USP28: variants seen among roughly 807,000 people sequenced by gnomAD.
The protein encoded by USP28 is ubiquitin specific peptidase 28, also known as ubiquitin carboxyl-terminal hydrolase 28.
USP28 carries 113 observed loss-of-function variants against 145.0 expected under a neutral mutation model. The observed-to-expected ratio is 0.78, with a 90% CI of 0.67 to 0.91. The LOEUF is 0.91. USP28 is among the 40% of genes least tolerant of loss of function. The probability of loss-of-function intolerance (pLI) is 0.00; values close to 1 mark genes in which losing one functional copy is unlikely to be tolerated. For missense variants in USP28, 1,201 were observed against 1,289.6 expected (o/e 0.93, Z 1.05); for synonymous variants, 447 against 450.9 (o/e 0.99, Z 0.11).
At chr11:113,833,378 C>A in intron 7 of USP28, 42 bp downstream of exon 7, 1 of 1,601,422 alleles carries the variant, frequency 6.2e-7, no homozygotes, top group Non-Finnish European at 8.5e-7. Context: ...TTAACACTGA[C>A]AAGGCATGAC....
chr11:113,864,519 T>C (rs1174063573), intron 1 of USP28, among the ~76,000 whole-genome samples: 1 of 151,972 alleles, frequency 6.6e-6, no homozygotes, highest in East Asian at 1.9e-4. Flanking sequence ...GAAAGTTGAG[T>C]GTGTAAGTTC....
At chr11:113,837,807 G>A (rs188382038) in intron 5 of USP28, among the ~76,000 whole-genome samples, 5 of 152,014 alleles carry the variant, frequency 3.3e-5, no homozygotes, top group African/African-American at 7.3e-5. Context: ...GAACATTTTC[G>A]TATCACCACA....
chr11:113,837,796 T>G (rs1944737303), intron 5 of USP28, among the ~76,000 whole-genome samples: 1 of 152,172 alleles, frequency 6.6e-6, no homozygotes, highest in Non-Finnish European at 1.5e-5. Flanking sequence ...TGATAGAAAC[T>G]GAACATTTTC....
intron 16 of USP28, among the ~76,000 whole-genome samples, chr11:113,810,190 A>G (rs2135372564): frequency 6.6e-6 from 1 of 152,366 alleles, no homozygotes; most frequent in Non-Finnish European, 1.5e-5. Context: ...GGCGGATAAG[A>G]ATGTCCATTT....
intron 5 of USP28, among the ~76,000 whole-genome samples, chr11:113,836,195 T>G (rs887485325): frequency 2.5e-4 from 38 of 152,204 alleles, no homozygotes; most frequent in African/African-American, 8.9e-4. Flanking sequence ...CTGCGTCACT[T>G]CATTATTACA....
intron 5 of USP28, among the ~76,000 whole-genome samples, chr11:113,835,944 G>A (rs1227957146): frequency 6.6e-6 from 1 of 152,176 alleles, no homozygotes; most frequent in Non-Finnish European, 1.5e-5. Context: ...GCCGGGCATG[G>A]TGGCATGCCT....
chr11:113,803,902 T>C, intron 21 of USP28, 25 bp from the exon 23 acceptor site: 1 of 1,590,724 alleles, frequency 6.3e-7, no homozygotes, highest in Non-Finnish European at 8.6e-7. Context: ...CGATTATTAA[T>C]AATCATGATC....
intron 16 of USP28, among the ~76,000 whole-genome samples, chr11:113,811,320 T>C (rs888041392): frequency 2.0e-5 from 3 of 152,206 alleles, no homozygotes; most frequent in Admixed American, 2.0e-4. Context: ...AAAGTACCAA[T>C]ATAAATGATA....
At chr11:113,814,289 G>T (rs921957445) in intron 14 of USP28, among the ~76,000 whole-genome samples, 5 of 152,116 alleles carry the variant, frequency 3.3e-5, no homozygotes, top group Admixed American at 2.0e-4. Context: ...AGAACAAAGG[G>T]TAAGGCTAAA....
At chr11:113,808,969 G>A in intron 17 of USP28, 94 bp downstream of exon 17, 1 of 1,202,382 alleles carries the variant, frequency 8.3e-7, no homozygotes, top group Non-Finnish European at 1.2e-6. Flanking sequence ...TGAAGACTGT[G>A]GCATCACCTA....
chr11:113,831,041 C>A, intron 8 of USP28, 98 bp from the exon 9 acceptor site: 1 of 1,215,230 alleles, frequency 8.2e-7, no homozygotes, highest in Non-Finnish European at 1.2e-6. Context: ...AGTGCATTTT[C>A]ATCAACCCCC....
intron 1 of USP28, among the ~76,000 whole-genome samples, chr11:113,871,039 A>T (rs944681248): frequency 2.0e-5 from 3 of 152,364 alleles, no homozygotes; most frequent in Non-Finnish European, 2.9e-5. Context: ...GAATCTTGTC[A>T]AAAGGCAGAA....
intron 1 of USP28, among the ~76,000 whole-genome samples, chr11:113,868,696 G>A (rs1948528451): frequency 2.0e-5 from 3 of 152,100 alleles, no homozygotes; most frequent in South Asian, 4.1e-4. Flanking sequence ...TCAGGCGGGA[G>A]GATCACTGGA....
At chr11:113,833,687 CTA>C in intron 6 of USP28, 130 bp from the exon 7 acceptor site, 1 of 839,110 alleles carries the variant, frequency 1.2e-6, no homozygotes, top group Non-Finnish European at 1.8e-6. Context: ...AGTCACAGGG[CTA>C]TGTGTGTTAC....
At position 113,799,179 on chromosome 11, in the gene USP28, C is replaced by T. The variant is rs773388527; in HGVS notation, c.*61G>A. ...TTTCCCAAGGTGAGCACTATGACAA[C>T]GAACTTCTGTGCAAGAGGCAGGCAG... is the stretch of plus-strand genomic sequence containing the variant. On this transcript the variant is annotated 3_prime_UTR_variant, in exon 25 of 25. Coordinates refer to ENST00000003302, the Ensembl canonical transcript of USP28. 46 of 1,556,936 alleles carry T rather than the reference C, an allele frequency of 3.0e-5. No individual in the cohort carries two copies. In the Middle Eastern group the frequency reaches 7.8e-4, roughly 26 times the overall value.
intron 3 of USP28, 26 bp from the exon 4 acceptor site, chr11:113,841,794 A>G (rs751240334): frequency 1.4e-5 from 21 of 1,527,078 alleles, no homozygotes; most frequent in Admixed American, 1.7e-5. Flanking sequence ...AAATTTAATT[A>G]GTCTATATAT....
chr11:113,845,391 G>A (rs1021871418), intron 3 of USP28, among the ~76,000 whole-genome samples: 14 of 151,312 alleles, frequency 9.3e-5, no homozygotes, highest in Non-Finnish European at 8.8e-5. Flanking sequence ...AGCTGAGATC[G>A]CGCCACTGCA....
intron 11 of USP28, among the ~76,000 whole-genome samples, chr11:113,826,996 T>C (rs1161805621): frequency 1.3e-5 from 2 of 151,326 alleles, no homozygotes; most frequent in Non-Finnish European, 2.9e-5. Flanking sequence ...AGGTAGTTCC[T>C]ACCCCCAAAA....
At chr11:113,798,847 C>A in exon 25 of USP28, 1 of 153,972 alleles carries the variant, frequency 6.5e-6, no homozygotes, top group Non-Finnish European at 1.4e-5. Flanking sequence ...GATAAAATAA[C>A]TAGTAGCTGT....
Sources: allele counts gnomAD v4.1 joint callset (sites outside exome capture counted in the v4.1 genomes callset), GRCh38; gene constraint gnomAD v4.1.1; transcripts MANE v1.5; gene names NCBI Gene and HGNC (gene_info 2026-07-23, HGNC 2026-07-21).